Variants in VAC14 observed in about 807,000 individuals in gnomAD.
VAC14 encodes the protein VAC14 component of PIKFYVE complex.
VAC14 carries 47 observed loss-of-function variants against 85.3 expected under a neutral mutation model. That is an observed-to-expected ratio of 0.55 (90% confidence interval 0.44 to 0.70). VAC14 has a LOEUF of 0.70. Among genes scored for constraint, VAC14 ranks in the 30% least tolerant of loss-of-function variants. The probability of loss-of-function intolerance (pLI) is 0.00; values close to 1 mark genes in which losing one functional copy is unlikely to be tolerated. For synonymous variants in VAC14, 447 were observed against 430.5 expected, an observed-to-expected ratio of 1.04 and a Z score of -0.47; for missense variants, 861 against 1,004.3, an observed-to-expected ratio of 0.86 and a Z score of 1.93.
At position 70,783,515 on chromosome 16, in the gene VAC14, C is replaced by A. The variant is rs962554358; in HGVS notation, c.634G>T (p.Asp212Tyr). 3 of 1,614,030 alleles carry A rather than the reference C, an allele frequency of 1.9e-6. No individual in the cohort carries two copies. The highest frequency in any genetic ancestry group is 2.2e-5 in the East Asian group (1 of 44,884). The part of the protein sequence containing the change: ...LESVPDINLL[D>Y]YLPEILDGLF... ...CCATCCAGGATCTCCGGCAGGTAAT[C>A]CAGCAGGTTAATGTCTGGCACCGAC... Residue 212 changes from aspartate to tyrosine, a missense_variant, in exon 6 of 19, where the codon GAT (aspartate) becomes TAT (tyrosine). Physicochemically the swap from Asp to Tyr is radical, Grantham distance 160. Coordinates refer to ENST00000261776, the MANE Select transcript of VAC14 (RefSeq NM_018052.5).
intron 10 of VAC14, chr16:70,770,471 C>G (rs2033135813): frequency 6.6e-6 from 1 of 152,262 alleles, no homozygotes; most frequent in African/African-American, 2.4e-5. Context: ...CCCCACGAGA[C>G]TCAGACAAAG....
chr16:70,739,003 C>G (rs2029989152), intron 13 of VAC14, among the ~76,000 whole-genome samples: 1 of 152,228 alleles, frequency 6.6e-6, no homozygotes, highest in South Asian at 2.1e-4. Context: ...GCAGGAGAAG[C>G]TGGGATCTCC....
intron 1 of VAC14, among the ~76,000 whole-genome samples, chr16:70,797,744 C>T (rs2034604731): frequency 6.6e-6 from 1 of 152,290 alleles, no homozygotes; most frequent in East Asian, 1.9e-4. Flanking sequence ...AATGGCCTAG[C>T]ACCATCTTCT....
chr16:70,689,187 G>C, intron 18 of VAC14: 1 of 976,308 alleles, frequency 1.0e-6, no homozygotes, highest in Non-Finnish European at 1.2e-6. Flanking sequence ...CATCTGCAAA[G>C]CGAGGGCTAC....
rs145705477 is a variant in VAC14 at position 70,762,911 on chromosome 16, G to A, written c.1275C>T (p.Leu425=). ...GAGGAGTTTTGATGTAGAGGTGGTAGAGCCACTTGAGAACTGCAATCCTGG... is the reference window on the plus strand; with the variant it reads ...GAGGAGTTTTGATGTAGAGGTGGTAAAGCCACTTGAGAACTGCAATCCTGG... ...MMTRIAVLKW[L]YHLYIKTPRK... is the part of the protein sequence containing the mutation. Residue 425 remains leucine (L), a synonymous_variant, in exon 11 of 19, where the codon CTC becomes CTT. Coordinates refer to ENST00000261776, the MANE Select transcript of VAC14 (RefSeq NM_018052.5). This position sits in a 1 kb window ranked among gnomAD's most constrained non-coding sequence, Gnocchi z 4.1. The A allele has an allele frequency of 1.5e-4, 249 of 1,614,222 alleles. 2 individuals carry two copies. The African/African-American group carries it at 2.7e-3, about 18-fold the overall frequency.
chr16:70,701,829 A>T (rs891616234), intron 14 of VAC14, among the ~76,000 whole-genome samples: 1 of 152,034 alleles, frequency 6.6e-6, no homozygotes, highest in Non-Finnish European at 1.5e-5. Context: ...ACGGCATTCT[A>T]GCCTCTTGGG....
intron 18 of VAC14, chr16:70,692,145 T>C (rs1489810399): frequency 6.3e-6 from 6 of 959,052 alleles, no homozygotes; most frequent in Non-Finnish European, 7.4e-6. Context: ...CTACAGGCTC[T>C]GGGGTAGGGG....
chr16:70,689,820 C>T (rs1193902458), intron 18 of VAC14: 9 of 985,498 alleles, frequency 9.1e-6, no homozygotes, highest in Middle Eastern at 1.0e-3. Flanking sequence ...CTCCCAGGCA[C>T]AGTAACCTTG....
At chr16:70,753,120 CCA>C (rs1338142857) in intron 12 of VAC14, among the ~76,000 whole-genome samples, 1 of 152,060 alleles carries the variant, frequency 6.6e-6, no homozygotes, top group African/African-American at 2.4e-5. Context: ...CTTAACTTCT[CCA>C]GTTTCCTCTT....
chr16:70,736,832 C>T (rs1196706445), intron 13 of VAC14, among the ~76,000 whole-genome samples: 1 of 151,716 alleles, frequency 6.6e-6, no homozygotes, highest in Admixed American at 6.6e-5. Flanking sequence ...GCATTGAGAC[C>T]ACAGGTTTGA....
rs936298 is a variant in VAC14, at chr16:70,692,189, C to T, written c.2186+632G>A. On this transcript the variant is annotated intron_variant, in intron 18 of 18. Coordinates refer to ENST00000261776, the MANE Select transcript of VAC14 (RefSeq NM_018052.5). ...GGGTTCAGGGTGGGAGCCGGCACTC[C>T]TCTGACCAGAGGCTGCCAAGCTGGG... 0.017 allele frequency: 11,899 copies of T among 699,372 alleles called. 450 individuals carry two copies. In the East Asian group the frequency reaches 0.19, roughly 11 times the overall value. 43.3% of individuals were successfully genotyped at this position (699,372 alleles called of 1,614,324 possible).
chr16:70,763,390 C>A (rs1597966026), intron 10 of VAC14, among the ~76,000 whole-genome samples: 1 of 152,220 alleles, frequency 6.6e-6, no homozygotes, highest in African/African-American at 2.4e-5. Flanking sequence ...GGAGGAGAAA[C>A]CCTCTCCCAG....
chr16:70,797,453 G>C (rs1567616858), intron 1 of VAC14, among the ~76,000 whole-genome samples: 1 of 152,168 alleles, frequency 6.6e-6, no homozygotes, highest in Non-Finnish European at 1.5e-5. Flanking sequence ...AAATATAGGA[G>C]GCTATCATTC....
intron 10 of VAC14, among the ~76,000 whole-genome samples, chr16:70,763,320 G>A (rs2032558637): frequency 6.6e-6 from 1 of 152,214 alleles, no homozygotes. Context: ...ATGAGGACCA[G>A]TCTGCTGGGC....
intron 7 of VAC14, 40 bp from the exon 8 acceptor site, chr16:70,782,043 G>C: frequency 6.2e-7 from 1 of 1,603,062 alleles, no homozygotes; most frequent in South Asian, 1.1e-5. Flanking sequence ...GCCAGCACAC[G>C]CAGCCCGAGT....
intron 1 of VAC14, among the ~76,000 whole-genome samples, chr16:70,787,169 G>A (rs1390878578): frequency 6.6e-6 from 1 of 152,326 alleles, no homozygotes; most frequent in East Asian, 1.9e-4. Flanking sequence ...GTGGTGGCTT[G>A]GAGAAGCTGG....
chr16:70,789,506 G>T lies in VAC14; in HGVS notation c.105-3141C>A, dbSNP rs772705113. ...TGCGCACACAGCTGCTCACATCTGGGGCATTGGTGGTTCAGTGGTAGAATT... is the reference window on the plus strand; with the variant it reads ...TGCGCACACAGCTGCTCACATCTGGTGCATTGGTGGTTCAGTGGTAGAATT... On this transcript the variant is annotated intron_variant, in intron 1 of 18. Transcript: ENST00000261776. Among the ~76,000 whole-genome samples, 182 of 152,026 alleles carry T rather than the reference G, an allele frequency of 1.2e-3. 1 individual carries two copies. Among genetic ancestry groups the T allele is most frequent in the African/African-American group, 4.2e-3 (174 of 41,364 alleles).
At chr16:70,798,932 C>T (rs1207769405) in intron 1 of VAC14, among the ~76,000 whole-genome samples, 1 of 152,250 alleles carries the variant, frequency 6.6e-6, no homozygotes, top group Non-Finnish European at 1.5e-5. Flanking sequence ...GAACTCTCTG[C>T]TCTTAAGGAG....
chr16:70,701,981 T>G (rs1189473082), intron 14 of VAC14, among the ~76,000 whole-genome samples: 2 of 152,178 alleles, frequency 1.3e-5, no homozygotes, highest in African/African-American at 2.4e-5. Context: ...CAGGTCCTGA[T>G]GAAGCCTCAG....
Sources: gnomAD v4.1 joint callset for allele counts (sites outside exome capture counted in the v4.1 genomes callset) on GRCh38, gnomAD v4.1.1 for gene constraint, Gnocchi (gnomAD v3.1) non-coding constraint, MANE v1.5 for transcripts, NCBI Gene and HGNC (gene_info 2026-07-23, HGNC 2026-07-21) for gene names.